NKAIN3: variants seen among roughly 807,000 people sequenced by gnomAD.
The protein encoded by NKAIN3 is sodium/potassium-transporting ATPase subunit beta-1-interacting protein 3.
In NKAIN3, 25 loss-of-function variants were observed where a neutral mutation model predicts 30.2. That is an observed-to-expected ratio of 0.83 (90% CI 0.60 to 1.16). The LOEUF (loss-of-function observed/expected upper bound fraction) is 1.16, where lower values mean the gene tolerates loss of function less well. Among genes scored for constraint, NKAIN3 ranks in the 50% most tolerant of loss-of-function variants. The pLI is 0.00. For missense variants in NKAIN3, 225 were observed against 254.1 expected (o/e 0.89, Z 0.78); for synonymous variants, 91 against 89.6 (o/e 1.02, Z -0.09).
At chr8:62,449,767 G>C (rs1013848321) in intron 1 of NKAIN3, among the ~76,000 whole-genome samples, 1 of 151,944 alleles carries the variant, frequency 6.6e-6, no homozygotes, top group South Asian at 2.1e-4. Context: ...TCATTGAGTC[G>C]TCAGAAAACA....
At chr8:62,850,045 G>T (rs1444168611) in intron 4 of NKAIN3, among the ~76,000 whole-genome samples, 1 of 152,076 alleles carries the variant, frequency 6.6e-6, no homozygotes. Flanking sequence ...CTTCCAAAAT[G>T]GTTGAACTAG....
intron 5 of NKAIN3, among the ~76,000 whole-genome samples, chr8:62,945,507 G>T (rs568625405): frequency 9.1e-4 from 138 of 152,262 alleles, no homozygotes; most frequent in African/African-American, 2.9e-3. Context: ...CCAAGTTAAG[G>T]TTCCAGATGG....
intron 3 of NKAIN3, among the ~76,000 whole-genome samples, chr8:62,729,927 C>T (rs1257607943): frequency 6.6e-6 from 1 of 152,182 alleles, no homozygotes; most frequent in East Asian, 1.9e-4. Flanking sequence ...ATTGCAGAAT[C>T]ATAGCATATG....
At chr8:62,952,519 C>G (rs771038389) in intron 5 of NKAIN3, among the ~76,000 whole-genome samples, 6 of 152,180 alleles carry the variant, frequency 3.9e-5, no homozygotes, top group Non-Finnish European at 8.8e-5. Context: ...TTCCCTTCAT[C>G]AATCTGAGTT....
chr8:62,904,318 T>C (rs1464863550), intron 4 of NKAIN3, among the ~76,000 whole-genome samples: 1 of 152,204 alleles, frequency 6.6e-6, no homozygotes, highest in Non-Finnish European at 1.5e-5. Flanking sequence ...TTCTGAAATA[T>C]CCATAGCATT....
At chr8:62,646,782 A>G (rs964474081) in intron 3 of NKAIN3, among the ~76,000 whole-genome samples, 4 of 152,196 alleles carry the variant, frequency 2.6e-5, no homozygotes, top group South Asian at 4.1e-4. Flanking sequence ...GTAAAGTAAC[A>G]GTATCAAATA....
At chr8:62,953,374 T>C (rs916445484) in intron 5 of NKAIN3, among the ~76,000 whole-genome samples, 6 of 152,172 alleles carry the variant, frequency 3.9e-5, no homozygotes, top group African/African-American at 1.4e-4. Context: ...GAGAAGTCTA[T>C]ACAGACAGCC....
intron 3 of NKAIN3, among the ~76,000 whole-genome samples, chr8:62,741,544 C>G (rs1180384565): frequency 6.6e-6 from 1 of 152,136 alleles, no homozygotes; most frequent in Non-Finnish European, 1.5e-5. Flanking sequence ...GTTGAAGAGT[C>G]GAGGCTGAGA....
downstream of NKAIN3, among the ~76,000 whole-genome samples, chr8:62,989,134 A>G (rs1824265046): frequency 1.3e-5 from 2 of 152,198 alleles, no homozygotes; most frequent in African/African-American, 2.4e-5. Flanking sequence ...CATTCAACAA[A>G]TTTCTAGGAA....
intron 1 of NKAIN3, chr8:62,483,220 A>G (rs1806780797): frequency 6.6e-6 from 1 of 152,256 alleles, no homozygotes; most frequent in African/African-American, 2.4e-5. Flanking sequence ...ACCACTGTTG[A>G]TTGAGAAAAC....
chr8:62,460,017 G>T (rs1384104059), intron 1 of NKAIN3, among the ~76,000 whole-genome samples: 1 of 152,300 alleles, frequency 6.6e-6, no homozygotes, highest in African/African-American at 2.4e-5. Context: ...AAACAGACCA[G>T]TTAGGAGGCT....
At position 62,540,722 on chromosome 8, in the gene NKAIN3, G is replaced by A. The variant is rs541852994; in HGVS notation, c.55-38817G>A. On this transcript the variant is annotated intron_variant, in intron 1 of 6. Transcript: ENST00000623646. The stretch of plus-strand genomic sequence containing the variant: ...CATTTTGAGGGTGTGTGATGTTCAT[G>A]TGTGTGTGTGTGTTGTCTTTTTTTA... Among the ~76,000 whole-genome samples, 3 of 151,662 alleles carry A rather than the reference G, an allele frequency of 2.0e-5. No individual in the cohort carries two copies. In the South Asian group the frequency reaches 6.3e-4, roughly 32 times the overall value.
intron 3 of NKAIN3, among the ~76,000 whole-genome samples, chr8:62,645,272 A>G (rs892869293): frequency 6.6e-6 from 1 of 152,178 alleles, no homozygotes; most frequent in Non-Finnish European, 1.5e-5. Context: ...AAGCTATTGC[A>G]TGTTTATACT....
chr8:62,587,671 C>T (rs1381443439), intron 2 of NKAIN3, among the ~76,000 whole-genome samples: 1 of 151,960 alleles, frequency 6.6e-6, no homozygotes. Context: ...AAATGATTAT[C>T]CCTCTACCTC....
At chr8:62,414,562 G>C (rs1311819373) in intron 1 of NKAIN3, among the ~76,000 whole-genome samples, 2 of 152,128 alleles carry the variant, frequency 1.3e-5, no homozygotes, top group African/African-American at 4.8e-5. Flanking sequence ...TGTGAAAAAT[G>C]AGTCAACTTT....
At position 62,993,516 on chromosome 8, in the gene NKAIN3, A is replaced by C. The variant is rs1381677697; in HGVS notation, c.533-5715A>C. Among the ~76,000 whole-genome samples, 16 of 152,172 alleles carry C rather than the reference A, an allele frequency of 1.1e-4. No homozygotes were observed. In the East Asian group the frequency reaches 3.1e-3, roughly 29 times the overall value. ...CCTGGAGAGTAAATAATGCCACCAC[A>C]ACATTATTCTCTAGAGGCACCATAT... On this transcript the variant is annotated intron_variant, in intron 5 of 5. Coordinates refer to the NKAIN3 transcript ENST00000519049.
intron 3 of NKAIN3, among the ~76,000 whole-genome samples, chr8:62,634,840 A>C (rs1332450610): frequency 6.6e-6 from 1 of 152,156 alleles, no homozygotes; most frequent in Non-Finnish European, 1.5e-5. Flanking sequence ...TGGCCTTGGA[A>C]CAGCATGGTG....
intron 4 of NKAIN3, among the ~76,000 whole-genome samples, chr8:62,830,862 T>G (rs1465279035): frequency 1.3e-5 from 2 of 152,172 alleles, no homozygotes; most frequent in Non-Finnish European, 2.9e-5. Context: ...TGGACATCCC[T>G]TCAGCACTGA....
At chr8:62,261,280 A>T (rs1221098933) in intron 1 of NKAIN3, among the ~76,000 whole-genome samples, 1 of 152,228 alleles carries the variant, frequency 6.6e-6, no homozygotes, top group Non-Finnish European at 1.5e-5. Flanking sequence ...AAAAATTACA[A>T]TATTAAATCC....
Sources: allele counts gnomAD v4.1 joint callset (sites outside exome capture counted in the v4.1 genomes callset), GRCh38; gene constraint gnomAD v4.1.1; transcripts MANE v1.5; gene names NCBI Gene and HGNC (gene_info 2026-07-23, HGNC 2026-07-21).